GPR155: variants seen among roughly 807,000 people sequenced by gnomAD.
GPR155 encodes lysosomal cholesterol signaling protein.
GPR155 carries 65 observed loss-of-function variants against 93.1 expected under a neutral mutation model. The ratio of observed to expected loss-of-function variants is 0.70; its 90% CI spans 0.57 to 0.86. The LOEUF (loss-of-function observed/expected upper bound fraction) is 0.86, where lower values mean the gene tolerates loss of function less well. GPR155 is among the 40% of genes least tolerant of loss of function. GPR155 has a pLI of 0.00. For missense variants in GPR155, 838 were observed against 1,034.8 expected, an observed-to-expected ratio of 0.81 and a Z score of 2.61; for synonymous variants, 319 against 360.1, an observed-to-expected ratio of 0.89 and a Z score of 1.29.
At chr2:174,482,549 C>G (rs1361273377) in intron 1 of GPR155, among the ~76,000 whole-genome samples, 2 of 152,110 alleles carry the variant, frequency 1.3e-5, no homozygotes, top group African/African-American at 4.8e-5. Context: ...AACTTTAAAC[C>G]AATAACTTTT....
At position 174,434,807 on chromosome 2, in the gene GPR155, T is replaced by G. The variant is rs1337912424; in HGVS notation, c.*1309A>C. The G allele has an allele frequency of 7.0e-6, 1 of 143,014 alleles. No individual in the cohort carries two copies. Among genetic ancestry groups the G allele is most frequent in the African/African-American group, 2.5e-5 (1 of 39,922 alleles). The allele number at this position is 143,014 out of a possible 1,614,324, so 8.9% of individuals were successfully genotyped here. ...TTTTTCTTTTTCTTTTTTTTTTTTT[T>G]TAGTACAGACCGGGTTTCACCACGT... On this transcript the variant is annotated 3_prime_UTR_variant, in exon 16 of 16. Transcript: ENST00000392552.
intron 10 of GPR155, among the ~76,000 whole-genome samples, chr2:174,454,936 G>C (rs538047274): frequency 5.3e-5 from 8 of 152,136 alleles, no homozygotes; most frequent in Non-Finnish European, 8.8e-5. Flanking sequence ...GGGCAGGTAG[G>C]GGGTGGCAGG....
In GPR155 at chr2:174,432,781, T is replaced by C. The variant is rs1164731302; in HGVS notation, c.*3335A>G. 1.0e-5 allele frequency: 1 copy of C among 99,948 alleles called. No individual in the cohort carries two copies. The highest frequency in any genetic ancestry group is 1.2e-4 in the Admixed American group (1 of 8,458). 6.2% of individuals were successfully genotyped at this position (99,948 alleles called of 1,614,324 possible). On this transcript the variant is annotated 3_prime_UTR_variant, in exon 16 of 16. Transcript: ENST00000392552. ...ATGCAGGTTTTTTTTTTTTTTTTTT[T>C]GCGATGGAGTCTCACTCTGTCGCCC...
rs773815315 is a variant in GPR155, at chr2:174,445,065, C to T, written c.2109+16G>A. On this transcript the variant is annotated intron_variant, in intron 13 of 15. Coordinates refer to ENST00000392552, the MANE Select transcript of GPR155 (RefSeq NM_152529.7). ...AGGAAGACAAAAACCCCTCAAAGTT[C>T]TCCATAAATAAATACCTGACCAAAG... is the stretch of plus-strand genomic sequence containing the variant. The T allele has an allele frequency of 7.3e-7, 1 of 1,363,208 alleles. No homozygotes were observed. The highest frequency in any genetic ancestry group is 1.1e-6 in the Non-Finnish European group (1 of 952,254). The allele number at this position is 1,363,208 out of a possible 1,614,324, so 84.4% of individuals were successfully genotyped here.
chr2:174,462,049 C>T (rs369336115), intron 7 of GPR155, among the ~76,000 whole-genome samples: 2 of 152,172 alleles, frequency 1.3e-5, no homozygotes, highest in South Asian at 4.1e-4. Context: ...GATCCTTCCA[C>T]CTCAGCCTCC....
At chr2:174,452,003 T>C (rs1306045460) in intron 11 of GPR155, among the ~76,000 whole-genome samples, 1 of 152,092 alleles carries the variant, frequency 6.6e-6, no homozygotes, top group Non-Finnish European at 1.5e-5. Context: ...CTAAGGAGAT[T>C]TGGGGAGGGA....
intron 13 of GPR155, among the ~76,000 whole-genome samples, chr2:174,443,494 C>T (rs1013672351): frequency 2.6e-5 from 4 of 152,036 alleles, no homozygotes; most frequent in Admixed American, 6.5e-5. Context: ...TTTGGGAGGC[C>T]AAGGCAGGTG....
chr2:174,469,985 C>A (rs1336264694), intron 4 of GPR155, among the ~76,000 whole-genome samples: 3 of 152,120 alleles, frequency 2.0e-5, no homozygotes, highest in African/African-American at 7.2e-5. Context: ...CCTCAGCCAC[C>A]CAAGTAGCTG....
chr2:174,470,324 G>T, intron 4 of GPR155, 66 bp downstream of exon 4: 51 of 1,186,494 alleles, frequency 4.3e-5, no homozygotes, highest in Middle Eastern at 2.9e-4. Context: ...TAAAAAATTT[G>T]AAATGAATTT....
Position 174,436,313 on chromosome 2 carries a change from C to T in GPR155, c.2416G>A (p.Gly806Arg), listed in dbSNP as rs1253082297. Residue 806 changes from glycine (G) to arginine (R), a missense_variant, in exon 16 of 16, where the codon GGA becomes AGA. Coordinates refer to ENST00000392552, the MANE Select transcript of GPR155 (RefSeq NM_152529.7). ...ASDRGEAVIYGDRLVQGGVIQ... is the reference protein window; with the variant it reads ...ASDRGEAVIYRDRLVQGGVIQ... ...ACTCCCCCTTGTACCAGCCTGTCTCCGTATATCACAGCTTCACCACGGTCG... is the reference window on the plus strand; with the variant it reads ...ACTCCCCCTTGTACCAGCCTGTCTCTGTATATCACAGCTTCACCACGGTCG... The T allele has an allele frequency of 2.0e-5, 32 of 1,613,964 alleles. No homozygotes were observed. The highest frequency in any genetic ancestry group is 2.6e-5 in the Non-Finnish European group (31 of 1,179,974).
Position 174,461,490 on chromosome 2 carries a change from A to C in GPR155, c.1472T>G (p.Ile491Ser). The C allele has an allele frequency of 1.2e-6, 2 of 1,609,696 alleles. No individual in the cohort carries two copies. Among genetic ancestry groups the C allele is most frequent in the Non-Finnish European group, 1.7e-6 (2 of 1,175,968 alleles). The change falls in exon 9 of 16, where the codon ATT becomes AGT. Residue 491 changes from isoleucine to serine, a missense_variant and splice_region_variant. By Grantham distance (142) the Ile-to-Ser change is moderately radical. Transcript: ENST00000392552. ...VGIIIISGWG[I>S]PALLVGVLLI... Reference sequence around the variant, plus strand: ...AAGAACACCAACAAGGAGAGCAGGAATTCTGTAATCACAAGTGATATTGGG... The same window carrying C: ...AAGAACACCAACAAGGAGAGCAGGACTTCTGTAATCACAAGTGATATTGGG...
chr2:174,452,211 G>C (rs1167814436), intron 11 of GPR155, among the ~76,000 whole-genome samples: 1 of 152,082 alleles, frequency 6.6e-6, no homozygotes, highest in East Asian at 1.9e-4. Flanking sequence ...AGAAAAAAAA[G>C]TCAATGAATG....
At chr2:174,456,358 G>A (rs570789682) in intron 10 of GPR155, among the ~76,000 whole-genome samples, 50 of 151,232 alleles carry the variant, frequency 3.3e-4, no homozygotes, top group African/African-American at 1.2e-3. Context: ...AGGCCAGAGT[G>A]CAGTGGTGCA....
intron 10 of GPR155, among the ~76,000 whole-genome samples, chr2:174,455,060 T>C (rs1687472538): frequency 6.6e-6 from 1 of 152,196 alleles, no homozygotes; most frequent in African/African-American, 2.4e-5. Flanking sequence ...AGAGAGGATT[T>C]TGTATGTTCC....
Position 174,451,208 on chromosome 2 carries a change from G to A in GPR155, c.1876+2529C>T, listed in dbSNP as rs149390458. 1.3e-3 allele frequency among the ~76,000 whole-genome samples: 194 copies of A among 152,068 alleles called. 4 individuals carry two copies. The highest frequency in any genetic ancestry group is 0.011 in the East Asian group (58 of 5,176). On this transcript the variant is annotated intron_variant, in intron 11 of 15. Coordinates refer to ENST00000392552, the MANE Select transcript of GPR155 (RefSeq NM_152529.7). ...AGGTGCCTGTAATCCCAGCTACTTG[G>A]GAGCCTGAGGCAGGAGAATTGCTTG...
At chr2:174,485,114 C>T (rs749723933) in intron 1 of GPR155, among the ~76,000 whole-genome samples, 2 of 152,026 alleles carry the variant, frequency 1.3e-5, no homozygotes, top group Non-Finnish European at 1.5e-5. Flanking sequence ...GGATGGGATG[C>T]GTCATAAATT....
intron 7 of GPR155, among the ~76,000 whole-genome samples, chr2:174,462,948 C>T (rs767567122): frequency 1.1e-4 from 16 of 152,146 alleles, no homozygotes; most frequent in Non-Finnish European, 1.9e-4. Flanking sequence ...TTGCCCAAGT[C>T]ATACAGCCAG....
rs756441023 is a variant in GPR155, at chr2:174,481,509, C to G, written c.448G>C (p.Gly150Arg). The change falls in exon 2 of 16, where the codon GGA (glycine) becomes CGA (arginine). Residue 150 changes from glycine (G) to arginine (R), a missense_variant. By Grantham distance (125) the Gly-to-Arg change is moderately radical (BLOSUM62 -2). Coordinates refer to ENST00000392552, the MANE Select transcript of GPR155 (RefSeq NM_152529.7). ...AAAATTAACTTACCTATAGGGTATCCCAATGCAAAGTCATTACTTTGTGTA... is the reference window on the plus strand; with the variant it reads ...AAAATTAACTTACCTATAGGGTATCGCAATGCAAAGTCATTACTTTGTGTA... ...FATQSNDFAL[G>R]YPIVEALYQT... 22 of 1,592,808 alleles carry G rather than the reference C, an allele frequency of 1.4e-5. No homozygotes were observed. Among genetic ancestry groups the G allele is most frequent in the Non-Finnish European group, 1.8e-5 (21 of 1,166,428 alleles).
chr2:174,469,004 A>G lies in GPR155; in HGVS notation c.1090T>C (p.Leu364=), dbSNP rs75119523. The change falls in exon 5 of 16, where the codon TTA becomes CTA. Residue 364 remains leucine, a synonymous_variant. Transcript: ENST00000392552. ...GGGTCCATAGTGGGAAAGGTCAGTA[A>G]CCAGGCAGAAACGTACATGATGGGA... ...SAPIMYVSAW[L]LTFPTMDPKP... is the part of the protein sequence containing the mutation. The G allele has an allele frequency of 3.2e-4, 516 of 1,614,100 alleles. 3 individuals are homozygous for G. In the African/African-American group the frequency reaches 6.0e-3, roughly 19 times the overall value.
Sources: gnomAD v4.1 joint callset for allele counts (sites outside exome capture counted in the v4.1 genomes callset) on GRCh38, gnomAD v4.1.1 for gene constraint, MANE v1.5 for transcripts, NCBI Gene and HGNC (gene_info 2026-07-23, HGNC 2026-07-21) for gene names.